The following PCDHA1 variants were observed in gnomAD, a reference collection of about 807,000 sequenced individuals.
The protein encoded by PCDHA1 is protocadherin alpha-1.
In PCDHA1, 42 loss-of-function variants were observed where a neutral mutation model predicts 61.3. The observed-to-expected ratio is 0.69, with a 90% CI of 0.54 to 0.89. PCDHA1 has a LOEUF of 0.89. PCDHA1 is among the 40% of genes least tolerant of loss of function. The pLI, the probability that PCDHA1 is intolerant of heterozygous loss-of-function variation, is 0.00. For missense variants in PCDHA1, 1,256 were observed against 1,235.3 expected (o/e 1.02, Z -0.25); for synonymous variants, 610 against 553.8 (o/e 1.10, Z -1.43).
At chr5:140,919,498 C>A (rs1433099544) in intron 1 of PCDHA1, among the ~76,000 whole-genome samples, 1 of 152,022 alleles carries the variant, frequency 6.6e-6, no homozygotes, top group Non-Finnish European at 1.5e-5. Context: ...TTATTTTACT[C>A]CTTTTTCTAT....
intron 1 of PCDHA1, among the ~76,000 whole-genome samples, chr5:140,920,083 G>A (rs536573725): frequency 3.3e-5 from 5 of 152,260 alleles, no homozygotes; most frequent in East Asian, 1.9e-4. Flanking sequence ...CAGATTCTCC[G>A]TAGAGCCTCT....
At chr5:140,795,237 C>T (rs371766953) in intron 1 of PCDHA1, 377 of 1,614,204 alleles carry the variant, frequency 2.3e-4, no homozygotes, top group Non-Finnish European at 3.0e-4. Context: ...CTCGGATCGA[C>T]CGGGAGGAGC....
chr5:140,828,591 T>G, intron 1 of PCDHA1: 1 of 1,614,220 alleles, frequency 6.2e-7, no homozygotes, highest in Non-Finnish European at 8.5e-7. Flanking sequence ...TCAAATTCCA[T>G]CTTAACCTAT....
intron 1 of PCDHA1, chr5:140,836,157 G>A (rs2150254365): frequency 1.2e-6 from 2 of 1,613,822 alleles, no homozygotes; most frequent in Admixed American, 1.7e-5. Flanking sequence ...CCATGTGGTG[G>A]CGAAGGTACG....
chr5:140,851,102 G>T (rs1439831567), intron 1 of PCDHA1: 1 of 1,288,512 alleles, frequency 7.8e-7, no homozygotes, highest in Non-Finnish European at 1.0e-6. Context: ...ATATTTTTTG[G>T]GTGCTGAATC....
intron 1 of PCDHA1, among the ~76,000 whole-genome samples, chr5:140,879,549 A>T (rs1345193552): frequency 2.0e-5 from 3 of 152,246 alleles, no homozygotes; most frequent in Admixed American, 6.5e-5. Context: ...AGAGAAAAAA[A>T]TAATCCATGA....
intron 1 of PCDHA1, chr5:140,836,555 A>T (rs1554136073): frequency 6.2e-7 from 1 of 1,613,750 alleles, no homozygotes; most frequent in East Asian, 2.2e-5. Context: ...TGCGGTGCTC[A>T]GCGCCGTCCT....
chr5:140,788,515 C>G lies in PCDHA1; in HGVS notation c.2225C>G (p.Ser742Cys), dbSNP rs1345267097. 1.9e-6 allele frequency: 3 copies of G among 1,614,094 alleles called. No individual in the cohort carries two copies. The highest frequency in any genetic ancestry group is 2.5e-6 in the Non-Finnish European group (3 of 1,179,962). Reference protein sequence around the residue: ...YVPGKPTLVCSSALGSWSNSQ... With the variant: ...YVPGKPTLVCCSALGSWSNSQ... ...CCGGGCAAGCCCACTCTGGTGTGCT[C>G]CAGCGCGTTGGGGAGCTGGTCGAAC... Residue 742 changes from serine (S) to cysteine (C), a missense_variant, in exon 1 of 4, where the codon TCC becomes TGC. Transcript: ENST00000504120.
intron 1 of PCDHA1, chr5:140,856,834 G>T (rs2044233104): frequency 6.3e-7 from 1 of 1,591,808 alleles, no homozygotes; most frequent in Non-Finnish European, 8.6e-7. Context: ...TAGTAATACG[G>T]CTCAACGCTT....
At chr5:140,836,938 A>G in intron 1 of PCDHA1, 1 of 463,722 alleles carries the variant, frequency 2.2e-6, no homozygotes, top group Non-Finnish European at 3.7e-6. Flanking sequence ...AATACTATAG[A>G]TCAAAATCTA....
intron 1 of PCDHA1, among the ~76,000 whole-genome samples, chr5:140,962,257 A>C (rs915555866): frequency 6.6e-6 from 1 of 152,174 alleles, no homozygotes; most frequent in Admixed American, 6.5e-5. Context: ...AATGAAAAAT[A>C]ATTTTATAAT....
intron 1 of PCDHA1, chr5:140,927,699 G>A (rs155361): frequency 0.52 from 840,731 of 1,613,754 alleles, 221,277 homozygotes; most frequent in African/African-American, 0.71. Context: ...GGGAAGTCCA[G>A]TACTCCCTAA....
chr5:140,857,861 T>A lies in PCDHA1; in HGVS notation c.2394+69177T>A, dbSNP rs890760526. 6.3e-7 allele frequency: 1 copy of A among 1,597,494 alleles called. No homozygotes were observed. The highest frequency in any genetic ancestry group is 2.2e-5 in the East Asian group (1 of 44,806). ...GGACGCTGACTCTGGATACAACGCGTGGCTGTCGTATGAATTGCAGTCGGC... is the reference window on the plus strand; with the variant it reads ...GGACGCTGACTCTGGATACAACGCGAGGCTGTCGTATGAATTGCAGTCGGC... On this transcript the variant is annotated intron_variant, in intron 1 of 3. Transcript: ENST00000504120.
At chr5:140,966,732 G>A in intron 1 of PCDHA1, 1 of 1,415,600 alleles carries the variant, frequency 7.1e-7, no homozygotes, top group South Asian at 1.6e-5. Flanking sequence ...GCCGCCTCCG[G>A]CCCTGCCCGG....
chr5:140,807,713 G>A (rs782799049), intron 1 of PCDHA1: 4 of 1,614,204 alleles, frequency 2.5e-6, no homozygotes, highest in Non-Finnish European at 3.4e-6. Flanking sequence ...GAGCCCAAAT[G>A]AATACTTTTC....
Position 140,788,413 on chromosome 5 carries a change from C to G in PCDHA1, c.2123C>G (p.Ser708Cys), listed in dbSNP as rs1554118242. ...CTGATCATCGCCATCTGCGCGGTGT[C>G]CAGCCTGCTGGTGCTCACACTGCTG... ...VYLIIAICAV[S>C]SLLVLTLLLY... The change falls in exon 1 of 4, where the codon TCC becomes TGC. Residue 708 changes from serine to cysteine, a missense_variant. By Grantham distance (112) the Ser-to-Cys change is moderately radical. Coordinates refer to ENST00000504120, the MANE Select transcript of PCDHA1 (RefSeq NM_018900.4). 1.2e-6 allele frequency: 2 copies of G among 1,614,102 alleles called. No homozygotes were observed. The highest frequency in any genetic ancestry group is 1.7e-6 in the Non-Finnish European group (2 of 1,179,994).
At chr5:140,858,581 T>C in intron 1 of PCDHA1, 1 of 1,350,098 alleles carries the variant, frequency 7.4e-7, no homozygotes, top group South Asian at 1.4e-5. Context: ...CTTTGTAATA[T>C]AATTTATTCC....
At chr5:140,802,472 G>T (rs1366782376) in intron 1 of PCDHA1, 1 of 1,614,102 alleles carries the variant, frequency 6.2e-7, no homozygotes, top group African/African-American at 1.3e-5. Context: ...AGCTGGTGGT[G>T]ACTGCTCGGG....
In PCDHA1 at chr5:140,787,702, G is replaced by C. The variant is rs782330191; in HGVS notation, c.1412G>C (p.Gly471Ala). The C allele has an allele frequency of 1.2e-6, 2 of 1,613,870 alleles. No homozygotes were observed. ...TTCGTGAAGGAGAACAACCCGCCGG[G>C]CTGCCACATCTTCACGGTGTCTGCG... is the stretch of plus-strand genomic sequence containing the variant. ...TVFVKENNPP[G>A]CHIFTVSARD... The change falls in exon 1 of 4, where the codon GGC becomes GCC. Residue 471 changes from glycine (G) to alanine (A), a missense_variant. Transcript: ENST00000504120.
Sources: allele counts gnomAD v4.1 joint callset (sites outside exome capture counted in the v4.1 genomes callset), GRCh38; gene constraint gnomAD v4.1.1; transcripts MANE v1.5; gene names NCBI Gene and HGNC (gene_info 2026-07-23, HGNC 2026-07-21).